LRRC38: variants seen among roughly 807,000 people sequenced by gnomAD.
The protein encoded by LRRC38 is leucine rich repeat containing 38.
A neutral mutation model predicts 16.4 loss-of-function variants in LRRC38; 5 were observed. That is an observed-to-expected ratio of 0.31 (90% CI 0.16 to 0.64). The LOEUF is 0.64. Among genes scored for constraint, LRRC38 ranks in the 30% least tolerant of loss-of-function variants. The pLI, the probability that LRRC38 is intolerant of heterozygous loss-of-function variation, is 0.80. For missense variants in LRRC38, 341 were observed against 401.8 expected (o/e 0.85, Z 1.29); for synonymous variants, 191 against 190.2 (o/e 1.00, Z -0.04).
chr1:13,513,321 C>G lies in LRRC38; in HGVS notation c.273G>C (p.Ser91=). The change falls in exon 1 of 2, where the codon TCG becomes TCC. Residue 91 remains serine (S), a synonymous_variant. Coordinates refer to ENST00000376085, the MANE Select transcript of LRRC38 (RefSeq NM_001010847.2). ...DLVYLDFRNN[S]LRSLEEGTFS... Reference sequence around the variant, plus strand: ...ACGTGCCCTCCTCCAGCGAGCGCAGCGAGTTGTTCCTGAAGTCCAGGTAGA... The same window carrying G: ...ACGTGCCCTCCTCCAGCGAGCGCAGGGAGTTGTTCCTGAAGTCCAGGTAGA... The G allele has an allele frequency of 2.6e-6, 4 of 1,550,882 alleles. No homozygotes were observed. The highest frequency in any genetic ancestry group is 3.5e-6 in the Non-Finnish European group (4 of 1,147,022).
rs1360424885 is a variant in LRRC38, at chr1:13,487,585, T to C, written c.632-11486A>G. 6.6e-6 allele frequency among the ~76,000 whole-genome samples: 1 copy of C among 152,188 alleles called. No homozygotes were observed. The highest frequency in any genetic ancestry group is 1.5e-5 in the Non-Finnish European group (1 of 68,040). ...AGGGCACATTCAGAAGAGACAGGCA[T>C]CTCCCTTGTGCAGGGCGGCTCCGTG... is the stretch of plus-strand genomic sequence containing the variant. On this transcript the variant is annotated intron_variant, in intron 1 of 1. Coordinates refer to ENST00000376085, the MANE Select transcript of LRRC38 (RefSeq NM_001010847.2). This position sits in a 1 kb window ranked among gnomAD's most constrained non-coding sequence, Gnocchi z 4.4.
intron 1 of LRRC38, among the ~76,000 whole-genome samples, chr1:13,508,142 C>A (rs966065342): frequency 2.6e-5 from 4 of 152,010 alleles, no homozygotes; most frequent in South Asian, 2.1e-4. Context: ...GAGGCTGAGG[C>A]AGTAGAAGAG....
In LRRC38 at chr1:13,487,862, A is replaced by G. The variant is rs1569917959; in HGVS notation, c.632-11763T>C. ...TGGGAACTGCGTAACTCAGATTAAC[A>G]ACAGGCTCTGGTAAGCGCTTTTTGT... On this transcript the variant is annotated intron_variant, in intron 1 of 1. Transcript: ENST00000376085. This position sits in a 1 kb window ranked among gnomAD's most constrained non-coding sequence, Gnocchi z 4.4. 6.6e-6 allele frequency among the ~76,000 whole-genome samples: 1 copy of G among 152,170 alleles called. No homozygotes were observed. Among genetic ancestry groups the G allele is most frequent in the East Asian group, 1.9e-4 (1 of 5,198 alleles).
At position 13,513,900 on chromosome 1, in the gene LRRC38, G is replaced by A. The variant is rs2100533311; in HGVS notation, c.-307C>T. 1 of 152,504 alleles carries A rather than the reference G, an allele frequency of 6.6e-6. No homozygotes were observed. The highest frequency in any genetic ancestry group is 1.5e-5 in the Non-Finnish European group (1 of 68,216). 9.4% of individuals were successfully genotyped at this position (152,504 alleles called of 1,614,324 possible). A position where few individuals can be genotyped will look rare whatever the true frequency, so the allele number is the denominator to read the frequency against. On this transcript the variant is annotated 5_prime_UTR_variant, in exon 1 of 2. Transcript: ENST00000376085. Reference sequence around the variant, plus strand: ...CTTGGGAGAGGCGGGAGCGGCAGGGGTGGCCGAGTGGCCGTCGCCAAAACG... The same window carrying A: ...CTTGGGAGAGGCGGGAGCGGCAGGGATGGCCGAGTGGCCGTCGCCAAAACG...
At chr1:13,479,465 T>C (rs1025497105) in intron 1 of LRRC38, among the ~76,000 whole-genome samples, 16 of 152,192 alleles carry the variant, frequency 1.1e-4, no homozygotes, top group African/African-American at 3.6e-4. Context: ...AATCCAACCT[T>C]TGCAAGCCAC....
chr1:13,482,553 T>G (rs1240898865), intron 1 of LRRC38, among the ~76,000 whole-genome samples: 1 of 150,568 alleles, frequency 6.6e-6, no homozygotes, highest in South Asian at 2.1e-4. Context: ...GCAATCCAGC[T>G]TGCGCTACCG....
At chr1:13,512,253 C>A (rs954444094) in intron 1 of LRRC38, among the ~76,000 whole-genome samples, 1 of 152,188 alleles carries the variant, frequency 6.6e-6, no homozygotes, top group Non-Finnish European at 1.5e-5. Context: ...TAATGGAGCC[C>A]CTTAACTCCC....
At chr1:13,500,517 GTC>G (rs1275446142) in intron 1 of LRRC38, among the ~76,000 whole-genome samples, 6 of 152,128 alleles carry the variant, frequency 3.9e-5, no homozygotes, top group African/African-American at 1.4e-4. Flanking sequence ...GAATGAAACT[GTC>G]TCTTATTTAC....
At chr1:13,488,317 G>A (rs1638964939) in intron 1 of LRRC38, among the ~76,000 whole-genome samples, 2 of 150,598 alleles carry the variant, frequency 1.3e-5, no homozygotes, top group Admixed American at 1.3e-4. Flanking sequence ...CGCCCAGGCT[G>A]GAGTATAGTG....
chr1:13,497,868 G>A (rs1557501893), intron 1 of LRRC38, among the ~76,000 whole-genome samples: 1 of 147,362 alleles, frequency 6.8e-6, no homozygotes, highest in East Asian at 2.0e-4. Flanking sequence ...GATGAGGCAG[G>A]AGAATCGCTT....
At chr1:13,512,927 C>CTCCT in intron 1 of LRRC38, 36 bp downstream of exon 1, 1 of 1,333,536 alleles carries the variant, frequency 7.5e-7, no homozygotes, top group Non-Finnish European at 1.0e-6. Context: ...CCCTGCCCCC[C>CTCCT]TCCCTCCCTC....
intron 1 of LRRC38, among the ~76,000 whole-genome samples, chr1:13,504,236 G>A (rs1196737350): frequency 6.5e-5 from 5 of 76,478 alleles, no homozygotes; most frequent in African/African-American, 8.5e-5. Flanking sequence ...ACATTTGACC[G>A]GGGACACTGA....
chr1:13,494,274 T>C (rs1157422670), intron 1 of LRRC38, among the ~76,000 whole-genome samples: 1 of 152,168 alleles, frequency 6.6e-6, no homozygotes. Flanking sequence ...CAGTTCCTCA[T>C]TGAGACACAT....
At chr1:13,476,174 G>T in intron 1 of LRRC38, 75 bp from the exon 2 acceptor site, 1 of 1,430,342 alleles carries the variant, frequency 7.0e-7, no homozygotes, top group Non-Finnish European at 9.5e-7. Context: ...CAAGGCAGGT[G>T]CTTACAAAGC....
intron 1 of LRRC38, among the ~76,000 whole-genome samples, chr1:13,506,804 C>T (rs1349393249): frequency 1.3e-5 from 2 of 152,158 alleles, no homozygotes; most frequent in African/African-American, 4.8e-5. Context: ...CTGATAAGGC[C>T]GGCCAAGCAC....
intron 1 of LRRC38, among the ~76,000 whole-genome samples, chr1:13,479,211 A>G (rs1638823237): frequency 6.6e-6 from 1 of 152,174 alleles, no homozygotes; most frequent in African/African-American, 2.4e-5. Context: ...AAAAACATCA[A>G]TCAACCTGCC....
intron 1 of LRRC38, among the ~76,000 whole-genome samples, chr1:13,498,798 T>A (rs1639112301): frequency 6.6e-6 from 1 of 152,188 alleles, no homozygotes; most frequent in South Asian, 2.1e-4. Context: ...GGGTGGCTTA[T>A]ACAACGGAAA....
intron 1 of LRRC38, among the ~76,000 whole-genome samples, chr1:13,481,809 CT>C (rs1638873318): frequency 6.8e-6 from 1 of 147,240 alleles, no homozygotes; most frequent in African/African-American, 2.6e-5. Flanking sequence ...CTCTCTCTCT[CT>C]CTCTCTCTCT....
intron 1 of LRRC38, among the ~76,000 whole-genome samples, chr1:13,491,521 G>A (rs1273783117): frequency 6.6e-6 from 1 of 152,090 alleles, no homozygotes; most frequent in Non-Finnish European, 1.5e-5. Flanking sequence ...TGTAGAGATA[G>A]GGTTTAGCCA....
Sources: gnomAD v4.1 joint callset for allele counts (sites outside exome capture counted in the v4.1 genomes callset) on GRCh38, gnomAD v4.1.1 for gene constraint, Gnocchi (gnomAD v3.1) non-coding constraint, MANE v1.5 for transcripts, NCBI Gene and HGNC (gene_info 2026-07-23, HGNC 2026-07-21) for gene names.